Variants in ERC2 observed in about 807,000 individuals in gnomAD.
The protein encoded by ERC2 is ELKS/RAB6-interacting/CAST family member 2, also known as ERC protein 2.
ERC2 carries 42 observed loss-of-function variants against 114.8 expected under a neutral mutation model. The observed-to-expected ratio is 0.37, with a 90% confidence interval of 0.29 to 0.47. The LOEUF is 0.47. ERC2 is among the 20% of genes least tolerant of loss of function. ERC2 has a pLI of 0.99. For synonymous variants in ERC2, 454 were observed against 425.5 expected (o/e 1.07, Z -0.82); for missense variants, 939 against 1,150.7 (o/e 0.82, Z 2.66).
At chr3:56,450,104 A>G (rs7645578) in intron 1 of ERC2, among the ~76,000 whole-genome samples, 74,725 of 152,090 alleles carry the variant, frequency 0.49, 18,883 homozygotes, top group African/African-American at 0.62. Context: ...TGAATCAGTA[A>G]GGGGAAAGTC....
At chr3:56,446,119 G>A (rs1302848545) in intron 1 of ERC2, among the ~76,000 whole-genome samples, 1 of 152,108 alleles carries the variant, frequency 6.6e-6, no homozygotes, top group African/African-American at 2.4e-5. Flanking sequence ...GTGAAATCTT[G>A]TAGGTGTCTT....
chr3:55,935,849 G>C (rs184945766), intron 13 of ERC2, among the ~76,000 whole-genome samples: 2 of 152,194 alleles, frequency 1.3e-5, no homozygotes, highest in African/African-American at 4.8e-5. Context: ...GCAACTTCAA[G>C]GAGAAATGAA....
At chr3:55,881,257 G>A (rs1034190196) in intron 14 of ERC2, among the ~76,000 whole-genome samples, 1 of 152,098 alleles carries the variant, frequency 6.6e-6, no homozygotes, top group East Asian at 1.9e-4. Context: ...TAATGCCCTC[G>A]AATAAGCTGC....
intron 3 of ERC2, among the ~76,000 whole-genome samples, chr3:56,283,161 A>G (rs1386575147): frequency 6.6e-6 from 1 of 152,258 alleles, no homozygotes; most frequent in African/African-American, 2.4e-5. Context: ...TCAAGCTTTC[A>G]ATGTGCAATT....
chr3:55,597,892 G>C (rs1389881640), intron 17 of ERC2, among the ~76,000 whole-genome samples: 1 of 152,186 alleles, frequency 6.6e-6, no homozygotes, highest in Non-Finnish European at 1.5e-5. Flanking sequence ...TAGTGAGTTT[G>C]TCATCATATC....
At chr3:56,441,795 C>T (rs1167995786) in intron 1 of ERC2, among the ~76,000 whole-genome samples, 1 of 152,224 alleles carries the variant, frequency 6.6e-6, no homozygotes, top group Non-Finnish European at 1.5e-5. Context: ...GATCCACACG[C>T]CTCGGCCTCC....
intron 17 of ERC2, among the ~76,000 whole-genome samples, chr3:55,612,289 A>G (rs1390398156): frequency 6.6e-6 from 1 of 152,246 alleles, no homozygotes; most frequent in Non-Finnish European, 1.5e-5. Flanking sequence ...ATAGACAAGT[A>G]CTGTCCTTCC....
At chr3:55,527,826 C>T (rs530582704) in intron 17 of ERC2, among the ~76,000 whole-genome samples, 1 of 152,324 alleles carries the variant, frequency 6.6e-6, no homozygotes, top group Admixed American at 6.5e-5. Flanking sequence ...GGCACTATTT[C>T]ATGCGTGGGT....
intron 14 of ERC2, among the ~76,000 whole-genome samples, chr3:55,862,077 A>G (rs1287233718): frequency 1.3e-5 from 2 of 152,182 alleles, no homozygotes; most frequent in African/African-American, 4.8e-5. Flanking sequence ...TTAAGCTCCA[A>G]TTTTTGATTA....
rs11343406 is a variant in ERC2 at position 56,443,958 on chromosome 3, A to ATTTTTTTTTTTTTT, written c.-140-8825_-140-8812dup. On this transcript the variant is annotated intron_variant, in intron 1 of 17. Transcript: ENST00000288221. ...TGTGAACTCTTTAAAAATACCTACA[A>ATTTTTTTTTTTTTT]TTTTTTTTTTTTTTTTTTGGTTGAG... is the stretch of plus-strand genomic sequence containing the variant. Among the ~76,000 whole-genome samples, 90 of 80,236 alleles carry ATTTTTTTTTTTTTT rather than the reference A, an allele frequency of 1.1e-3. 1 individual carries two copies. Among genetic ancestry groups the ATTTTTTTTTTTTTT allele is most frequent in the East Asian group, 1.4e-3 (3 of 2,218 alleles). 52.6% of individuals were successfully genotyped at this position (80,236 alleles called of 152,430 possible). A position where few individuals can be genotyped will look rare whatever the true frequency, so the allele number is the denominator to read the frequency against.
intron 2 of ERC2, among the ~76,000 whole-genome samples, chr3:56,306,813 T>C (rs1415678351): frequency 6.6e-6 from 1 of 152,202 alleles, no homozygotes; most frequent in Non-Finnish European, 1.5e-5. Flanking sequence ...CCTATCACTT[T>C]CAAGCTGTGT....
chr3:55,609,568 C>T (rs951769438), intron 17 of ERC2, among the ~76,000 whole-genome samples: 2 of 152,074 alleles, frequency 1.3e-5, no homozygotes, highest in Non-Finnish European at 2.9e-5. Flanking sequence ...TATTCCCTGT[C>T]GCTTCATGCT....
intron 3 of ERC2, among the ~76,000 whole-genome samples, chr3:56,195,653 AC>A (rs892184245): frequency 6.6e-6 from 1 of 151,698 alleles, no homozygotes; most frequent in Admixed American, 6.6e-5. Flanking sequence ...AACATAGGAA[AC>A]CTTGTCTCTA....
intron 17 of ERC2, among the ~76,000 whole-genome samples, chr3:55,591,578 T>C (rs950772777): frequency 4.8e-4 from 72 of 149,208 alleles, no homozygotes; most frequent in African/African-American, 1.4e-3. Flanking sequence ...TGTGTGCGTG[T>C]GTGTGTGTGT....
At chr3:56,150,022 C>T (rs1011876898) in intron 4 of ERC2, among the ~76,000 whole-genome samples, 5 of 152,142 alleles carry the variant, frequency 3.3e-5, no homozygotes, top group African/African-American at 9.7e-5. Context: ...AGGCTTCAAT[C>T]GGTCTTTGAA....
intron 14 of ERC2, 133 bp from the exon 15 acceptor site, chr3:55,735,051 C>A (rs1471581572): frequency 2.0e-6 from 2 of 989,868 alleles, no homozygotes; most frequent in East Asian, 2.7e-5. Flanking sequence ...TTAAAACAAA[C>A]TAGCTCTTTG....
chr3:55,773,770 T>A (rs2068399710), intron 14 of ERC2, among the ~76,000 whole-genome samples: 1 of 152,254 alleles, frequency 6.6e-6, no homozygotes, highest in Admixed American at 6.5e-5. Context: ...TGGGAAAGGC[T>A]ATTTTGGTTA....
chr3:56,377,871 C>A (rs73075811), intron 2 of ERC2, among the ~76,000 whole-genome samples: 3 of 142,200 alleles, frequency 2.1e-5, no homozygotes, highest in African/African-American at 5.6e-5. Context: ...AAACAAAAAA[C>A]AAAAACAAAA....
intron 3 of ERC2, among the ~76,000 whole-genome samples, chr3:56,235,691 G>A (rs1247459642): frequency 2.6e-5 from 4 of 152,108 alleles, no homozygotes; most frequent in Non-Finnish European, 2.9e-5. Flanking sequence ...GTCCAATGCA[G>A]TAGCCACTAA....
Sources: gnomAD v4.1 joint callset for allele counts (sites outside exome capture counted in the v4.1 genomes callset) on GRCh38, gnomAD v4.1.1 for gene constraint, MANE v1.5 for transcripts, NCBI Gene and HGNC (gene_info 2026-07-23, HGNC 2026-07-21) for gene names.